CAMK1D: variants seen among roughly 807,000 people sequenced by gnomAD.
CAMK1D encodes the protein calcium/calmodulin-dependent protein kinase type 1D.
A neutral mutation model predicts 47.7 loss-of-function variants in CAMK1D; 9 were observed. The observed-to-expected ratio is 0.19, with a 90% CI of 0.11 to 0.33. The LOEUF (loss-of-function observed/expected upper bound fraction) is 0.33, where lower values mean the gene tolerates loss of function less well. CAMK1D is among the 10% of genes least tolerant of loss of function. The pLI is 1.00. For synonymous variants in CAMK1D, 184 were observed against 184.9 expected (o/e 0.99, Z 0.04); for missense variants, 291 against 488.7 (o/e 0.60, Z 3.81).
chr10:12,402,632 A>G (rs1269077842), intron 1 of CAMK1D, among the ~76,000 whole-genome samples: 1 of 152,202 alleles, frequency 6.6e-6, no homozygotes. Context: ...GACTGGCGTT[A>G]GGGATTCCAG....
chr10:12,716,290 T>C lies in CAMK1D; in HGVS notation c.300-44658T>C, dbSNP rs538014152. Among the ~76,000 whole-genome samples the C allele has an allele frequency of 1.4e-4, 22 of 152,266 alleles. 1 individual carries two copies. In the South Asian group the frequency reaches 4.1e-3, roughly 29 times the overall value. Reference sequence around the variant, plus strand: ...ATTGTAGGATGTTTATCAGCACCCCTGGCTTCCACCCACTAGATGCCAGTA... The same window carrying C: ...ATTGTAGGATGTTTATCAGCACCCCCGGCTTCCACCCACTAGATGCCAGTA... On this transcript the variant is annotated intron_variant, in intron 3 of 10. Transcript: ENST00000619168.
At chr10:12,782,293 T>C (rs1837535199) in intron 5 of CAMK1D, among the ~76,000 whole-genome samples, 1 of 152,220 alleles carries the variant, frequency 6.6e-6, no homozygotes, top group Non-Finnish European at 1.5e-5. Flanking sequence ...TAATTTTTTC[T>C]TTTTTAATAT....
intron 1 of CAMK1D, among the ~76,000 whole-genome samples, chr10:12,449,829 C>T (rs1243990031): frequency 1.3e-5 from 2 of 152,026 alleles, no homozygotes; most frequent in Non-Finnish European, 2.9e-5. Flanking sequence ...CGAAACCCCA[C>T]CTCTACTAAA....
At chr10:12,645,474 C>G (rs1839787063) in intron 2 of CAMK1D, among the ~76,000 whole-genome samples, 1 of 152,134 alleles carries the variant, frequency 6.6e-6, no homozygotes. Flanking sequence ...ATAGGGTGGG[C>G]TTATGTTAGA....
At chr10:12,382,645 T>TGCCATCTCTACTA (rs1287617259) in intron 1 of CAMK1D, among the ~76,000 whole-genome samples, 1 of 152,050 alleles carries the variant, frequency 6.6e-6, no homozygotes, top group Admixed American at 6.6e-5. Flanking sequence ...GGCAGCATGG[T>TGCCATCTCTACTA]AAAATCCCAT....
chr10:12,767,244 A>G (rs1836808403), intron 4 of CAMK1D, among the ~76,000 whole-genome samples: 1 of 152,046 alleles, frequency 6.6e-6, no homozygotes, highest in African/African-American at 2.4e-5. Flanking sequence ...GTGGCGCACT[A>G]TCGGCTCACT....
chr10:12,452,518 A>G (rs1293079493), intron 1 of CAMK1D, among the ~76,000 whole-genome samples: 1 of 151,944 alleles, frequency 6.6e-6, no homozygotes, highest in African/African-American at 2.4e-5. Flanking sequence ...ATTTGTATGT[A>G]TAAATATGCA....
intron 2 of CAMK1D, among the ~76,000 whole-genome samples, chr10:12,653,877 A>G (rs1041744377): frequency 6.6e-6 from 1 of 152,218 alleles, no homozygotes; most frequent in Non-Finnish European, 1.5e-5. Flanking sequence ...ATGAAAGAGC[A>G]GCACTGGGTC....
chr10:12,604,287 C>T (rs1326580578), intron 2 of CAMK1D, among the ~76,000 whole-genome samples: 5 of 152,044 alleles, frequency 3.3e-5, no homozygotes, highest in African/African-American at 7.3e-5. Context: ...ATGGGGGTTG[C>T]GCAAACAATT....
chr10:12,438,282 A>T (rs1238395413), intron 1 of CAMK1D, among the ~76,000 whole-genome samples: 1 of 152,128 alleles, frequency 6.6e-6, no homozygotes, highest in Non-Finnish European at 1.5e-5. Context: ...TGGCTGCTGC[A>T]TGGCTGACTT....
chr10:12,684,029 A>C (rs116842459), intron 3 of CAMK1D, among the ~76,000 whole-genome samples: 2 of 152,266 alleles, frequency 1.3e-5, no homozygotes, highest in East Asian at 3.9e-4. Flanking sequence ...ATTAGGCCGT[A>C]AGGAATAGCA....
At chr10:12,448,189 T>A (rs1371655359) in intron 1 of CAMK1D, among the ~76,000 whole-genome samples, 2 of 151,762 alleles carry the variant, frequency 1.3e-5, no homozygotes, top group African/African-American at 2.4e-5. Context: ...ATTTTTATTT[T>A]TACTTATTTT....
chr10:12,797,876 A>G (rs1309558551), intron 6 of CAMK1D, among the ~76,000 whole-genome samples: 1 of 151,940 alleles, frequency 6.6e-6, no homozygotes, highest in African/African-American at 2.4e-5. Context: ...TTGGTTTACT[A>G]CCTCTAACCC....
At chr10:12,724,430 A>T (rs1834526821) in intron 3 of CAMK1D, among the ~76,000 whole-genome samples, 2 of 152,138 alleles carry the variant, frequency 1.3e-5, no homozygotes, top group African/African-American at 4.8e-5. Flanking sequence ...GTCACTTAGG[A>T]TAGGAGTCAC....
intron 1 of CAMK1D, among the ~76,000 whole-genome samples, chr10:12,406,610 C>T (rs1333816012): frequency 6.7e-6 from 1 of 149,666 alleles, no homozygotes; most frequent in East Asian, 2.0e-4. Context: ...GTAGTCTCAG[C>T]TGCTTGGGAG....
At chr10:12,440,748 A>G (rs1240243636) in intron 1 of CAMK1D, among the ~76,000 whole-genome samples, 3 of 152,232 alleles carry the variant, frequency 2.0e-5, no homozygotes, top group African/African-American at 4.8e-5. Flanking sequence ...CACACAGGTG[A>G]TAAAACATGG....
intron 2 of CAMK1D, among the ~76,000 whole-genome samples, chr10:12,586,442 T>A: frequency 9.1e-6 from 1 of 109,636 alleles, no homozygotes; most frequent in Non-Finnish European, 1.8e-5. Context: ...GAGCAAGACT[T>A]CCTCTCAAAA....
intron 1 of CAMK1D, among the ~76,000 whole-genome samples, chr10:12,434,174 G>A (rs1316355588): frequency 6.6e-6 from 1 of 152,108 alleles, no homozygotes; most frequent in Non-Finnish European, 1.5e-5. Context: ...CTTACCTTGA[G>A]TAACTAGTCC....
intron 3 of CAMK1D, among the ~76,000 whole-genome samples, chr10:12,749,401 C>T (rs1213581550): frequency 7.3e-6 from 1 of 137,144 alleles, no homozygotes; most frequent in Non-Finnish European, 1.5e-5. Flanking sequence ...TTATTTTCCT[C>T]TATACTAAAT....
Sources: allele counts gnomAD v4.1 joint callset (sites outside exome capture counted in the v4.1 genomes callset), GRCh38; gene constraint gnomAD v4.1.1; transcripts MANE v1.5; gene names NCBI Gene and HGNC (gene_info 2026-07-23, HGNC 2026-07-21).